The following LPXN variants were observed in gnomAD, a reference collection of about 807,000 sequenced individuals.
LPXN encodes the protein leupaxin.
LPXN carries 28 observed loss-of-function variants against 45.6 expected under a neutral mutation model. That is an observed-to-expected ratio of 0.61 (90% confidence interval 0.45 to 0.84). LPXN has a LOEUF of 0.84. Ranked by LOEUF, LPXN falls within the 40% of genes least tolerant of loss-of-function variation. The pLI is 0.00. For synonymous variants in LPXN, 166 were observed against 169.9 expected (o/e 0.98, Z 0.18); for missense variants, 459 against 475.0 (o/e 0.97, Z 0.31).
At position 58,549,993 on chromosome 11, in the gene LPXN, A is replaced by G; in HGVS notation, c.640T>C (p.Cys214Arg). 1 of 1,614,244 alleles carries G rather than the reference A, an allele frequency of 6.2e-7. No homozygotes were observed. Among genetic ancestry groups the G allele is most frequent in the Non-Finnish European group, 8.5e-7 (1 of 1,180,046 alleles). The change falls in exon 6 of 9, where the codon TGC becomes CGC. Residue 214 changes from cysteine (C) to arginine (R), a missense_variant. Transcript: ENST00000395074. Reference protein sequence around the residue: ...HQLFSPRCAYCAAPILDKVLT... With the variant: ...HQLFSPRCAYRAAPILDKVLT... ...CTTACATCCAGGATGGGAGCAGCGC[A>G]GTAAGCACAGCGTGGAGAAAAAAGT...
upstream of LPXN, chr11:58,578,138 C>A: frequency 6.8e-7 from 1 of 1,472,892 alleles, no homozygotes; most frequent in South Asian, 1.3e-5. Flanking sequence ...AAAGGTACGC[C>A]AACGCCCAGA....
At chr11:58,552,077 A>C (rs1446775561) in intron 4 of LPXN, among the ~76,000 whole-genome samples, 1 of 152,184 alleles carries the variant, frequency 6.6e-6, no homozygotes, top group Non-Finnish European at 1.5e-5. Flanking sequence ...GATGGAAGCC[A>C]TTGCAGGATT....
chr11:58,571,720 A>T (rs1172242517), intron 1 of LPXN, among the ~76,000 whole-genome samples: 2 of 151,818 alleles, frequency 1.3e-5, no homozygotes, highest in Admixed American at 6.6e-5. Context: ...CAATGAAATA[A>T]ATAATAATTA....
At chr11:58,538,319 C>G (rs1305363836) in intron 7 of LPXN, among the ~76,000 whole-genome samples, 1 of 152,100 alleles carries the variant, frequency 6.6e-6, no homozygotes, top group Non-Finnish European at 1.5e-5. Flanking sequence ...AATGGTATTT[C>G]TAGTTCTAGA....
chr11:58,563,538 G>A (rs1173424903), intron 3 of LPXN, among the ~76,000 whole-genome samples: 1 of 152,162 alleles, frequency 6.6e-6, no homozygotes, highest in Non-Finnish European at 1.5e-5. Flanking sequence ...GTTGTCTGAT[G>A]TTAAAAATTG....
intron 7 of LPXN, among the ~76,000 whole-genome samples, chr11:58,532,619 G>A (rs1853426314): frequency 6.6e-6 from 1 of 152,228 alleles, no homozygotes; most frequent in Non-Finnish European, 1.5e-5. Flanking sequence ...GATTGTAAAT[G>A]CACCAATCAG....
At chr11:58,562,326 A>G (rs1401940234) in intron 3 of LPXN, among the ~76,000 whole-genome samples, 2 of 152,262 alleles carry the variant, frequency 1.3e-5, no homozygotes, top group Admixed American at 1.3e-4. Flanking sequence ...CAGAGTAAAT[A>G]GTAGAAACAG....
intron 5 of LPXN, 27 bp downstream of exon 5, chr11:58,551,038 T>C (rs746238115): frequency 2.0e-6 from 3 of 1,530,002 alleles, no homozygotes; most frequent in Middle Eastern, 1.9e-4. Context: ...AAGAAGGCTG[T>C]AGGACCAAAA....
chr11:58,549,841 G>C lies in LPXN; in HGVS notation c.687C>G (p.Thr229=). ...LDKVLTAMNQ[T]WHPEHFFCSH... The stretch of plus-strand genomic sequence containing the variant: ...AGCAGAAGAAGTGCTCTGGGTGCCA[G>C]GTCTGGTTCATTGCTGTCAGCACTT... Residue 229 remains threonine, a synonymous_variant, in exon 7 of 9, where the codon ACC becomes ACG. Coordinates refer to ENST00000395074, the MANE Select transcript of LPXN (RefSeq NM_004811.3). The C allele has an allele frequency of 6.2e-7, 1 of 1,614,176 alleles. No individual in the cohort carries two copies. The highest frequency in any genetic ancestry group is 8.5e-7 in the Non-Finnish European group (1 of 1,180,028).
intron 4 of LPXN, among the ~76,000 whole-genome samples, chr11:58,553,528 C>T (rs925779688): frequency 6.6e-6 from 1 of 152,140 alleles, no homozygotes; most frequent in Non-Finnish European, 1.5e-5. Flanking sequence ...GGATGTCAGT[C>T]ATTAAGGAAA....
intron 2 of LPXN, among the ~76,000 whole-genome samples, chr11:58,570,074 C>T (rs572278369): frequency 2.6e-5 from 4 of 152,152 alleles, no homozygotes; most frequent in African/African-American, 7.2e-5. Context: ...GAGGCCAAGG[C>T]GGGTGAATCA....
Position 58,528,192 on chromosome 11 carries a change from C to T in LPXN, c.743-1G>A. On this transcript the variant is annotated splice_acceptor_variant, in intron 7 of 8. Coordinates refer to ENST00000395074, the MANE Select transcript of LPXN (RefSeq NM_004811.3). LOFTEE classifies it high-confidence loss of function. ...GGCTTCTTGTCCTTCTCATGAAAGCCTGGAGAGATAAAATCAGGAATTCAC... is the reference window on the plus strand; with the variant it reads ...GGCTTCTTGTCCTTCTCATGAAAGCTTGGAGAGATAAAATCAGGAATTCAC... 6.2e-7 allele frequency: 1 copy of T among 1,613,218 alleles called. No individual in the cohort carries two copies. Among genetic ancestry groups the T allele is most frequent in the Non-Finnish European group, 8.5e-7 (1 of 1,179,324 alleles).
At chr11:58,534,855 A>G (rs1853501685) in intron 7 of LPXN, among the ~76,000 whole-genome samples, 1 of 152,250 alleles carries the variant, frequency 6.6e-6, no homozygotes, top group Non-Finnish European at 1.5e-5. Flanking sequence ...CTGATCCCAC[A>G]GAAATACAAA....
intron 2 of LPXN, 37 bp downstream of exon 2, chr11:58,570,519 C>A: frequency 6.7e-7 from 1 of 1,493,342 alleles, no homozygotes; most frequent in South Asian, 1.3e-5. Flanking sequence ...TGCACTCAAA[C>A]ATCCATGTTT....
At chr11:58,566,281 C>T (rs1854525780) in intron 2 of LPXN, among the ~76,000 whole-genome samples, 1 of 152,124 alleles carries the variant, frequency 6.6e-6, no homozygotes, top group Non-Finnish European at 1.5e-5. Context: ...GAACACATTT[C>T]CTCTCTAGAT....
upstream of LPXN, among the ~76,000 whole-genome samples, chr11:58,578,385 T>C (rs1854978134): frequency 4.6e-5 from 7 of 152,142 alleles, no homozygotes; most frequent in Non-Finnish European, 5.9e-5. Flanking sequence ...CTAGGCGAAA[T>C]AAGACTTCAT....
chr11:58,563,836 A>G (rs3829218), intron 3 of LPXN, among the ~76,000 whole-genome samples: 22,514 of 152,174 alleles, frequency 0.15, 1,876 homozygotes, highest in Middle Eastern at 0.2. Flanking sequence ...TTTATCTTTC[A>G]GGAAACTGAA....
At chr11:58,572,939 G>GT (rs1854752923) in intron 1 of LPXN, among the ~76,000 whole-genome samples, 2 of 152,104 alleles carry the variant, frequency 1.3e-5, no homozygotes, top group South Asian at 4.1e-4. Flanking sequence ...TATAATAGAA[G>GT]TTTTTTAAAA....
intron 7 of LPXN, among the ~76,000 whole-genome samples, chr11:58,531,274 T>C (rs1434101446): frequency 6.6e-6 from 1 of 152,078 alleles, no homozygotes; most frequent in East Asian, 1.9e-4. Flanking sequence ...TAAAGGAGCA[T>C]GTTCTAACCC....
Sources: gnomAD v4.1 joint callset for allele counts (sites outside exome capture counted in the v4.1 genomes callset) on GRCh38, gnomAD v4.1.1 for gene constraint, MANE v1.5 for transcripts, NCBI Gene and HGNC (gene_info 2026-07-23, HGNC 2026-07-21) for gene names.